Variants in BMAL2 observed in about 807,000 individuals in gnomAD.
BMAL2 encodes basic helix-loop-helix ARNT-like protein 2.
the BMAL2 span, chr12:27,385,583 A>G: frequency 6.7e-7 from 1 of 1,498,844 alleles, no homozygotes; most frequent in Non-Finnish European, 9.2e-7. Flanking sequence ...ATATTTGTCT[A>G]AGTTGTGTAT....
At chr12:27,370,798 G>T in the BMAL2 span, among the ~76,000 whole-genome samples, 1 of 152,076 alleles carries the variant, frequency 6.6e-6, no homozygotes, top group African/African-American at 2.4e-5. Flanking sequence ...TAGAGATGAG[G>T]TTTCACCATG....
chr12:27,402,878 G>A, the BMAL2 span, among the ~76,000 whole-genome samples: 3 of 152,146 alleles, frequency 2.0e-5, no homozygotes, highest in Non-Finnish European at 4.4e-5. Flanking sequence ...AACTCCCAGA[G>A]GTATCACCAT....
the BMAL2 span, among the ~76,000 whole-genome samples, chr12:27,341,717 A>G: frequency 6.6e-6 from 1 of 152,192 alleles, no homozygotes; most frequent in African/African-American, 2.4e-5. Flanking sequence ...CTCGCAGAAA[A>G]GAACCTGGAG....
At chr12:27,346,220 A>T in the BMAL2 span, among the ~76,000 whole-genome samples, 1 of 145,592 alleles carries the variant, frequency 6.9e-6, no homozygotes, top group Non-Finnish European at 1.5e-5. Flanking sequence ...TTCCCACTTT[A>T]TCTTATCTCC....
the BMAL2 span, chr12:27,425,118 G>A: frequency 5.7e-4 from 86 of 152,140 alleles, no homozygotes; most frequent in African/African-American, 1.8e-3. Context: ...ATATTCTTGA[G>A]TTTAGATTTG....
the BMAL2 span, among the ~76,000 whole-genome samples, chr12:27,397,764 T>C: frequency 6.6e-6 from 1 of 152,242 alleles, no homozygotes; most frequent in Admixed American, 6.5e-5. Flanking sequence ...AATCGCAGGC[T>C]GATGAAGGAT....
chr12:27,363,450 C>T, the BMAL2 span, among the ~76,000 whole-genome samples: 1 of 152,140 alleles, frequency 6.6e-6, no homozygotes, highest in Non-Finnish European at 1.5e-5. Context: ...AGAGCATGAG[C>T]GTTTCCATTG....
the BMAL2 span, among the ~76,000 whole-genome samples, chr12:27,359,430 T>C: frequency 6.6e-6 from 1 of 152,340 alleles, no homozygotes; most frequent in Non-Finnish European, 1.5e-5. Context: ...GGCTCATGCC[T>C]ATATTCCCAG....
the BMAL2 span, among the ~76,000 whole-genome samples, chr12:27,395,062 C>G: frequency 6.6e-6 from 1 of 152,250 alleles, no homozygotes; most frequent in African/African-American, 2.4e-5. Flanking sequence ...AGCCCAACCT[C>G]AGACTGCAAA....
At chr12:27,391,477 G>A in the BMAL2 span, among the ~76,000 whole-genome samples, 252 of 152,218 alleles carry the variant, frequency 1.7e-3, 2 homozygotes, top group African/African-American at 5.7e-3. Context: ...ATTTGCTATT[G>A]TGAACAGTGC....
the BMAL2 span, among the ~76,000 whole-genome samples, chr12:27,387,944 A>G: frequency 2.6e-5 from 4 of 152,226 alleles, no homozygotes; most frequent in African/African-American, 9.6e-5. Flanking sequence ...AGAGATAATG[A>G]GTTAAATAAC....
chr12:27,347,621 A>G, the BMAL2 span, among the ~76,000 whole-genome samples: 1 of 152,122 alleles, frequency 6.6e-6, no homozygotes, highest in East Asian at 1.9e-4. Flanking sequence ...CTTTTTTTTA[A>G]AAAAAATATC....
the BMAL2 span, among the ~76,000 whole-genome samples, chr12:27,350,994 C>CCCCCCCT: frequency 2.4e-4 from 23 of 94,272 alleles, no homozygotes; most frequent in Non-Finnish European, 3.1e-4. Context: ...CCCACCCCCC[C>CCCCCCCT]TTTTTTTTTT....
At chr12:27,373,435 G>A in the BMAL2 span, among the ~76,000 whole-genome samples, 1 of 152,150 alleles carries the variant, frequency 6.6e-6, no homozygotes, top group South Asian at 2.1e-4. Context: ...CAGGGTAGAG[G>A]CCTGGCCTGG....
the BMAL2 span, among the ~76,000 whole-genome samples, chr12:27,400,318 A>G: frequency 6.6e-6 from 1 of 152,200 alleles, no homozygotes; most frequent in South Asian, 2.1e-4. Flanking sequence ...AGTACATACA[A>G]TTTAGTTCCT....
At chr12:27,378,846 C>T in the BMAL2 span, among the ~76,000 whole-genome samples, 1 of 152,078 alleles carries the variant, frequency 6.6e-6, no homozygotes, top group African/African-American at 2.4e-5. Flanking sequence ...GAAGAGAAGA[C>T]ATATTTAAGA....
At chr12:27,395,776 T>C in the BMAL2 span, among the ~76,000 whole-genome samples, 1 of 152,240 alleles carries the variant, frequency 6.6e-6, no homozygotes, top group Non-Finnish European at 1.5e-5. Flanking sequence ...AATTCGTAGT[T>C]GAATTCTGGG....
At chr12:27,401,049 C>T in the BMAL2 span, among the ~76,000 whole-genome samples, 77 of 152,224 alleles carry the variant, frequency 5.1e-4, no homozygotes, top group Middle Eastern at 3.4e-3. Context: ...CAGCCTGGAT[C>T]GGGTGGAGGC....
the BMAL2 span, among the ~76,000 whole-genome samples, chr12:27,411,028 A>G: frequency 6.6e-6 from 1 of 152,156 alleles, no homozygotes; most frequent in Admixed American, 6.5e-5. Flanking sequence ...GTTTTCTTGT[A>G]TAAAGAGTAA....
Sources: allele counts gnomAD v4.1 joint callset (sites outside exome capture counted in the v4.1 genomes callset), GRCh38; gene constraint gnomAD v4.1.1; transcripts MANE v1.5; gene names NCBI Gene and HGNC (gene_info 2026-07-23, HGNC 2026-07-21).